Variants in GPHN observed in about 807,000 individuals in gnomAD.
GPHN encodes gephyrin.
GPHN carries 17 observed loss-of-function variants against 95.5 expected under a neutral mutation model. The observed-to-expected ratio is 0.18, with a 90% CI of 0.12 to 0.27. The LOEUF (loss-of-function observed/expected upper bound fraction) is 0.27, where lower values mean the gene tolerates loss of function less well. Ranked by LOEUF, GPHN falls within the 10% of genes least tolerant of loss-of-function variation. The pLI is 1.00. For synonymous variants in GPHN, 320 were observed against 322.5 expected, an observed-to-expected ratio of 0.99 and a Z score of 0.08; for missense variants, 660 against 978.1, an observed-to-expected ratio of 0.67 and a Z score of 4.34.
chr14:66,768,314 G>A (rs117373482), intron 2 of GPHN, among the ~76,000 whole-genome samples: 88 of 151,992 alleles, frequency 5.8e-4, no homozygotes, highest in Admixed American at 1.0e-3. Flanking sequence ...AAAGTATATG[G>A]CATGAGAAAT....
At chr14:67,682,391 G>GA in the GPHN span, among the ~76,000 whole-genome samples, 2 of 152,126 alleles carry the variant, frequency 1.3e-5, no homozygotes, top group African/African-American at 4.8e-5. Context: ...AGACTATTAA[G>GA]AACTCTTGTA....
chr14:67,460,938 C>T, the GPHN span, among the ~76,000 whole-genome samples: 2 of 152,190 alleles, frequency 1.3e-5, no homozygotes, highest in African/African-American at 2.4e-5. Context: ...TTAACTCAAC[C>T]TTCACAATAA....
intron 1 of GPHN, among the ~76,000 whole-genome samples, chr14:66,622,469 C>G (rs1482390225): frequency 1.3e-5 from 2 of 152,184 alleles, no homozygotes; most frequent in Admixed American, 1.3e-4. Context: ...TTGCAAATTT[C>G]TGCATCCGGC....
chr14:67,426,839 T>C, the GPHN span, among the ~76,000 whole-genome samples: 2 of 152,156 alleles, frequency 1.3e-5, no homozygotes, highest in South Asian at 4.1e-4. Context: ...CCTTGCAAAG[T>C]GCTGGGATTA....
At chr14:67,424,502 G>A in the GPHN span, among the ~76,000 whole-genome samples, 1 of 151,710 alleles carries the variant, frequency 6.6e-6, no homozygotes, top group African/African-American at 2.4e-5. Flanking sequence ...GGGAGGCTGA[G>A]GTGGGGGGAG....
At chr14:67,578,662 T>C in the GPHN span, 54 of 1,353,748 alleles carry the variant, frequency 4.0e-5, no homozygotes, top group Middle Eastern at 1.2e-3. The surrounding 1 kb of genome is among the most constrained non-coding windows in gnomAD (Gnocchi z 5.0). Context: ...CCTCTGCCAC[T>C]TGAGCACTGC....
intron 5 of GPHN, among the ~76,000 whole-genome samples, chr14:66,890,183 G>C (rs996503049): frequency 2.6e-5 from 4 of 152,156 alleles, no homozygotes; most frequent in African/African-American, 9.7e-5. Context: ...AGGCCAAGGT[G>C]GATGGATCAC....
intron 3 of GPHN, among the ~76,000 whole-genome samples, chr14:66,786,904 T>C (rs2059797270): frequency 6.6e-6 from 1 of 152,098 alleles, no homozygotes; most frequent in African/African-American, 2.4e-5. Context: ...AGAAAACCTA[T>C]AGCTAACAGC....
intron 5 of GPHN, among the ~76,000 whole-genome samples, chr14:66,885,657 T>C (rs2064149893): frequency 6.6e-6 from 1 of 152,128 alleles, no homozygotes; most frequent in Non-Finnish European, 1.5e-5. Flanking sequence ...CCCTACATTT[T>C]TCTTCTTCTC....
At chr14:66,817,037 A>G (rs552304702) in intron 3 of GPHN, among the ~76,000 whole-genome samples, 3 of 152,262 alleles carry the variant, frequency 2.0e-5, no homozygotes, top group Non-Finnish European at 2.9e-5. Flanking sequence ...AAAACATTAT[A>G]TATTTATAAA....
At chr14:66,936,349 A>G (rs1349839305) in intron 8 of GPHN, among the ~76,000 whole-genome samples, 2 of 152,080 alleles carry the variant, frequency 1.3e-5, no homozygotes, top group African/African-American at 4.8e-5. Context: ...ATTGCACTCT[A>G]TCCTGGGTGA....
At chr14:67,512,259 C>T in the GPHN span, among the ~76,000 whole-genome samples, 991 of 152,254 alleles carry the variant, frequency 6.5e-3, 5 homozygotes, top group South Asian at 0.013. Flanking sequence ...CCCCTCCTAC[C>T]CCTTCCCTAG....
intron 1 of GPHN, among the ~76,000 whole-genome samples, chr14:66,542,773 A>G (rs1450769965): frequency 6.6e-6 from 1 of 152,180 alleles, no homozygotes; most frequent in Non-Finnish European, 1.5e-5. Context: ...ATCTGTGCTC[A>G]ATGACTCTAA....
At chr14:66,838,941 G>A (rs1196363042) in intron 4 of GPHN, among the ~76,000 whole-genome samples, 2 of 152,120 alleles carry the variant, frequency 1.3e-5, no homozygotes, top group African/African-American at 2.4e-5. Flanking sequence ...GCATCTGATA[G>A]GGATTCAGAA....
At chr14:67,143,114 C>A in intron 17 of GPHN, 1 of 430,922 alleles carries the variant, frequency 2.3e-6, no homozygotes, top group Non-Finnish European at 4.3e-6. Flanking sequence ...ATTATAGTGG[C>A]TTGTTAGAAT....
At chr14:67,288,566 A>G in the GPHN span, among the ~76,000 whole-genome samples, 7 of 152,306 alleles carry the variant, frequency 4.6e-5, no homozygotes, top group African/African-American at 1.7e-4. Flanking sequence ...TCTAGTCCCC[A>G]TAAGATTGTA....
chr14:66,877,619 T>G (rs971597878), intron 4 of GPHN, among the ~76,000 whole-genome samples: 1 of 152,024 alleles, frequency 6.6e-6, no homozygotes, highest in Non-Finnish European at 1.5e-5. Context: ...AAATCATGAG[T>G]GAACTCCCAT....
chr14:66,948,504 TCTA>T (rs766404528), intron 8 of GPHN, among the ~76,000 whole-genome samples: 22 of 152,196 alleles, frequency 1.4e-4, no homozygotes, highest in Non-Finnish European at 2.8e-4. Context: ...AGCCCATCAG[TCTA>T]CTAAGAGGTC....
At chr14:67,630,294 G>A in the GPHN span, among the ~76,000 whole-genome samples, 45 of 152,334 alleles carry the variant, frequency 3.0e-4, no homozygotes, top group Middle Eastern at 3.4e-3. Context: ...TCACTCTCAA[G>A]TAAACAATTT....
Sources: allele counts gnomAD v4.1 joint callset (sites outside exome capture counted in the v4.1 genomes callset), GRCh38; gene constraint gnomAD v4.1.1; non-coding constraint Gnocchi (gnomAD v3.1); transcripts MANE v1.5; gene names NCBI Gene and HGNC (gene_info 2026-07-23, HGNC 2026-07-21).